Variants in ATP10B observed in about 807,000 individuals in gnomAD.
ATP10B encodes ATPase phospholipid transporting 10B (putative), also known as phospholipid-transporting ATPase VB.
In ATP10B, 122 loss-of-function variants were observed where a neutral mutation model predicts 141.2. That is an observed-to-expected ratio of 0.86 (90% confidence interval 0.75 to 1.00). The LOEUF is 1.00. Among genes scored for constraint, ATP10B ranks in the 50% least tolerant of loss-of-function variants. The probability of loss-of-function intolerance (pLI) is 0.00; values close to 1 mark genes in which losing one functional copy is unlikely to be tolerated. For synonymous variants in ATP10B, 685 were observed against 692.0 expected, an observed-to-expected ratio of 0.99 and a Z score of 0.16; for missense variants, 1,876 against 1,825.3, an observed-to-expected ratio of 1.03 and a Z score of -0.51.
the ATP10B span, among the ~76,000 whole-genome samples, chr5:160,912,748 AAGAT>A: frequency 1.3e-5 from 2 of 152,030 alleles, no homozygotes; most frequent in African/African-American, 2.4e-5. Context: ...GAAAGAAAGA[AAGAT>A]AGTTAAATTA....
chr5:160,649,873 T>C (rs1760581405), intron 7 of ATP10B, among the ~76,000 whole-genome samples: 4 of 151,792 alleles, frequency 2.6e-5, no homozygotes, highest in South Asian at 4.2e-4. Context: ...ATCCCAGCAC[T>C]TTGGGAGGCT....
At position 160,564,865 on chromosome 5, in the gene ATP10B, T is replaced by C. The variant is rs1469893479; in HGVS notation, c.*588A>G. 1 of 152,958 alleles carries C rather than the reference T, an allele frequency of 6.5e-6. No individual in the cohort carries two copies. Among genetic ancestry groups the C allele is most frequent in the Non-Finnish European group, 1.5e-5 (1 of 68,690 alleles). 9.5% of individuals were successfully genotyped at this position (152,958 alleles called of 1,614,324 possible). On this transcript the variant is annotated 3_prime_UTR_variant, in exon 26 of 26. Transcript: ENST00000327245. Reference sequence around the variant, plus strand: ...CTGAGTTCAAATCCACTTTTCTTTCTGGCTTTTAGTAGTAGCTTTTTAGAT... The same window carrying C: ...CTGAGTTCAAATCCACTTTTCTTTCCGGCTTTTAGTAGTAGCTTTTTAGAT...
intron 7 of ATP10B, among the ~76,000 whole-genome samples, chr5:160,654,922 C>T (rs1385935945): frequency 6.6e-6 from 1 of 152,144 alleles, no homozygotes; most frequent in Non-Finnish European, 1.5e-5. Flanking sequence ...TTTCCCAGTG[C>T]CATCCAGACA....
At chr5:160,781,022 G>A (rs1236607657) in intron 2 of ATP10B, among the ~76,000 whole-genome samples, 2 of 152,092 alleles carry the variant, frequency 1.3e-5, no homozygotes, top group Non-Finnish European at 2.9e-5. Flanking sequence ...TATGAAATGT[G>A]TTCTTTGCCC....
chr5:160,745,834 T>C (rs1216390225), intron 2 of ATP10B, among the ~76,000 whole-genome samples: 1 of 152,250 alleles, frequency 6.6e-6, no homozygotes, highest in Non-Finnish European at 1.5e-5. Context: ...GACCAAAGGT[T>C]GTGAAATAGC....
intron 10 of ATP10B, 27 bp downstream of exon 10, chr5:160,640,434 C>A (rs1470531470): frequency 6.2e-6 from 10 of 1,611,146 alleles, no homozygotes; most frequent in Non-Finnish European, 8.5e-6. Context: ...ATTACTGTGT[C>A]CTTGTTCTTT....
At chr5:160,592,944 A>G (rs1376041380) in intron 22 of ATP10B, among the ~76,000 whole-genome samples, 1 of 152,234 alleles carries the variant, frequency 6.6e-6, no homozygotes, top group Non-Finnish European at 1.5e-5. Context: ...ACCACAGCTC[A>G]AGGAGGCCTG....
At chr5:160,886,812 AAGAT>A in the ATP10B span, among the ~76,000 whole-genome samples, 3 of 152,328 alleles carry the variant, frequency 2.0e-5, no homozygotes, top group Non-Finnish European at 4.4e-5. Flanking sequence ...CGAACCATAT[AAGAT>A]AGAGACTATG....
At chr5:160,588,134 C>T (rs530427491) in intron 24 of ATP10B, among the ~76,000 whole-genome samples, 10 of 152,278 alleles carry the variant, frequency 6.6e-5, no homozygotes, top group African/African-American at 1.4e-4. Flanking sequence ...AGGTGTGAGC[C>T]GCCGCACCTG....
chr5:160,868,521 T>TATACAC, the ATP10B span, among the ~76,000 whole-genome samples: 1 of 130,322 alleles, frequency 7.7e-6, no homozygotes, highest in African/African-American at 2.9e-5. Flanking sequence ...TATGAACAGA[T>TATACAC]ACACACACAC....
chr5:160,793,542 A>G (rs1445668886), intron 1 of ATP10B, among the ~76,000 whole-genome samples: 1 of 152,238 alleles, frequency 6.6e-6, no homozygotes, highest in African/African-American at 2.4e-5. Flanking sequence ...ATGCGATGGT[A>G]GTCCTGTAAG....
intron 6 of ATP10B, among the ~76,000 whole-genome samples, chr5:160,672,863 T>A (rs1421956): frequency 2.6e-4 from 39 of 152,128 alleles, no homozygotes; most frequent in African/African-American, 8.7e-4. Context: ...CTTCCTCCCC[T>A]CCTGGAGGCC....
At position 160,644,156 on chromosome 5, in the gene ATP10B, C is replaced by T. The variant is rs1259936016; in HGVS notation, c.850G>A (p.Gly284Ser). ...CTIRNTEMAV[G>S]IVIYAGHETK... is the part of the protein sequence containing the mutation. The stretch of plus-strand genomic sequence containing the variant: ...CAATGACCTGCATAGATGACAATGC[C>T]AACAGCCATCTCGGTGTTTCTGATG... Residue 284 changes from glycine (G) to serine (S), a missense_variant, in exon 9 of 26, where the codon GGC (glycine) becomes AGC (serine). Coordinates refer to ENST00000327245, the MANE Select transcript of ATP10B (RefSeq NM_025153.3). 3.7e-6 allele frequency: 6 copies of T among 1,613,810 alleles called. No homozygotes were observed. The highest frequency in any genetic ancestry group is 5.1e-6 in the Non-Finnish European group (6 of 1,179,836).
At chr5:160,867,660 C>A in the ATP10B span, among the ~76,000 whole-genome samples, 1 of 152,020 alleles carries the variant, frequency 6.6e-6, no homozygotes, top group Non-Finnish European at 1.5e-5. Flanking sequence ...AGAACATTCA[C>A]CAGAATTATA....
chr5:160,793,101 AC>A (rs1380873681), intron 1 of ATP10B, among the ~76,000 whole-genome samples: 2 of 152,192 alleles, frequency 1.3e-5, no homozygotes, highest in Non-Finnish European at 2.9e-5. Flanking sequence ...TTTTGCACCA[AC>A]ATTTATTGTT....
At chr5:160,598,713 A>C (rs1756902079) in intron 22 of ATP10B, 57 bp downstream of exon 22, 1 of 1,518,346 alleles carries the variant, frequency 6.6e-7, no homozygotes, top group East Asian at 2.3e-5. Flanking sequence ...TCCAGAGGGG[A>C]GGTAGAGGTC....
chr5:160,782,209 G>GTA (rs1259041289), intron 2 of ATP10B, among the ~76,000 whole-genome samples: 2 of 151,954 alleles, frequency 1.3e-5, no homozygotes, highest in African/African-American at 4.8e-5. Flanking sequence ...TAAACACTTG[G>GTA]TATATATTGG....
intron 2 of ATP10B, among the ~76,000 whole-genome samples, chr5:160,731,958 C>G (rs141612569): frequency 2.6e-5 from 4 of 152,238 alleles, no homozygotes; most frequent in Admixed American, 6.5e-5. Flanking sequence ...CCATATTTAA[C>G]CTTCATTATA....
chr5:160,812,810 T>C (rs147055034), intron 1 of ATP10B, among the ~76,000 whole-genome samples: 1,561 of 152,266 alleles, frequency 0.01, 16 homozygotes, highest in South Asian at 0.024. Flanking sequence ...GCCTTAAAAG[T>C]GATAGAGGAA....
Sources: allele counts gnomAD v4.1 joint callset (sites outside exome capture counted in the v4.1 genomes callset), GRCh38; gene constraint gnomAD v4.1.1; transcripts MANE v1.5; gene names NCBI Gene and HGNC (gene_info 2026-07-23, HGNC 2026-07-21).